The following MRAP2 variants were observed in gnomAD, a reference collection of about 807,000 sequenced individuals.
The protein encoded by MRAP2 is melanocortin 2 receptor accessory protein 2.
Under a neutral mutation model 17.4 loss-of-function variants are expected in MRAP2, and 20 were observed. The ratio of observed to expected loss-of-function variants is 1.15; its 90% CI spans 0.81 to 1.67. MRAP2 has a LOEUF of 1.67. Ranked by LOEUF, MRAP2 falls within the 40% of genes most tolerant of loss-of-function variation. The pLI is 0.00. For missense variants in MRAP2, 238 were observed against 240.0 expected (o/e 0.99, Z 0.05); for synonymous variants, 96 against 88.4 (o/e 1.09, Z -0.48).
At chr6:84,092,418 C>T (rs2099501917), downstream of MRAP2, among the ~76,000 whole-genome samples, 1 of 152,162 alleles carries the variant, frequency 6.6e-6, no homozygotes, top group Non-Finnish European at 1.5e-5. Context: ...ATTATAGAAT[C>T]AATTCAAAGT....
At chr6:84,103,323 A>T in the MRAP2 span, among the ~76,000 whole-genome samples, 1 of 152,092 alleles carries the variant, frequency 6.6e-6, no homozygotes, top group Admixed American at 6.5e-5. Flanking sequence ...TTATTTGTGG[A>T]AGGAGATCAA....
At chr6:84,125,191 C>G in the MRAP2 span, 5 of 1,613,642 alleles carry the variant, frequency 3.1e-6, no homozygotes, top group South Asian at 5.5e-5. Flanking sequence ...CTCCAGCTCA[C>G]GATTCTTTAA....
At chr6:84,114,536 A>C in the MRAP2 span, among the ~76,000 whole-genome samples, 1 of 152,100 alleles carries the variant, frequency 6.6e-6, no homozygotes, top group East Asian at 1.9e-4. Context: ...CCTTTAGCTC[A>C]GAGGAGTTTG....
the MRAP2 span, chr6:84,124,171 A>C: frequency 1.2e-4 from 19 of 152,188 alleles, no homozygotes; most frequent in Non-Finnish European, 2.2e-4. Context: ...AAAGAACTAA[A>C]AATAGAACTA....
the MRAP2 span, among the ~76,000 whole-genome samples, chr6:84,114,000 G>T: frequency 6.6e-6 from 1 of 152,286 alleles, no homozygotes; most frequent in African/African-American, 2.4e-5. Context: ...CTCTCTTGCT[G>T]CCTTTAACAT....
chr6:84,068,165 GTT>G (rs979332417), intron 3 of MRAP2, among the ~76,000 whole-genome samples: 1 of 152,022 alleles, frequency 6.6e-6, no homozygotes, highest in African/African-American at 2.4e-5. Flanking sequence ...CCCACTTTAT[GTT>G]TTTGTTTGCT....
rs144952050 is a variant in MRAP2, at chr6:84,049,405, A to G, written c.-7-5907A>G. ...ACACCACTGCACTTCAGCCTGGGTG[A>G]CAGAGGGAGACTCCATCTCAGAAAA... On this transcript the variant is annotated intron_variant, in intron 1 of 3. Transcript: ENST00000257776. 4.9e-4 allele frequency among the ~76,000 whole-genome samples: 75 copies of G among 152,260 alleles called. No individual in the cohort carries two copies. In the East Asian group the frequency reaches 0.013, roughly 25 times the overall value.
the MRAP2 span, among the ~76,000 whole-genome samples, chr6:84,110,761 T>C: frequency 6.6e-6 from 1 of 152,244 alleles, no homozygotes; most frequent in Non-Finnish European, 1.5e-5. Context: ...GTGATCCATC[T>C]TGAGTTAATT....
At chr6:84,075,276 G>T (rs1187831524) in intron 3 of MRAP2, among the ~76,000 whole-genome samples, 1 of 152,208 alleles carries the variant, frequency 6.6e-6, no homozygotes, top group African/African-American at 2.4e-5. Context: ...GGGCTGGGAA[G>T]GGTAGTCTTC....
At chr6:84,043,632 C>A (rs1210971928) in intron 1 of MRAP2, among the ~76,000 whole-genome samples, 1 of 151,084 alleles carries the variant, frequency 6.6e-6, no homozygotes, top group Non-Finnish European at 1.5e-5. Flanking sequence ...TTGTGTTGTC[C>A]CTCAAGCTGT....
At chr6:84,066,242 A>T (rs2099494654) in intron 3 of MRAP2, among the ~76,000 whole-genome samples, 1 of 152,234 alleles carries the variant, frequency 6.6e-6, no homozygotes, top group African/African-American at 2.4e-5. Context: ...AATGCTTCTA[A>T]CAAGGTTAAG....
At chr6:84,132,365 A>G in the MRAP2 span, among the ~76,000 whole-genome samples, 1 of 152,020 alleles carries the variant, frequency 6.6e-6, no homozygotes, top group African/African-American at 2.4e-5. Flanking sequence ...TGTTCTCTGT[A>G]TTTCCTGAAT....
chr6:84,134,633 G>A, the MRAP2 span, among the ~76,000 whole-genome samples: 1 of 152,104 alleles, frequency 6.6e-6, no homozygotes. Flanking sequence ...CCCGGATGAG[G>A]CAAGGCCCCA....
downstream of MRAP2, among the ~76,000 whole-genome samples, chr6:84,093,321 C>T (rs79479817): frequency 4.3e-3 from 659 of 152,218 alleles, 1 homozygote; most frequent in African/African-American, 0.015. Flanking sequence ...AGGAACTTGA[C>T]TCACCGAGGC....
At chr6:84,118,881 C>T in the MRAP2 span, among the ~76,000 whole-genome samples, 1 of 152,168 alleles carries the variant, frequency 6.6e-6, no homozygotes, top group East Asian at 1.9e-4. Context: ...AGATAAGGAT[C>T]CAATTTCATT....
chr6:84,088,957 A>T (rs2099501146), intron 3 of MRAP2, 134 bp from the exon 4 acceptor site: 2 of 909,988 alleles, frequency 2.2e-6, no homozygotes, highest in South Asian at 1.9e-5. Flanking sequence ...GTTTGTCTGC[A>T]TGCCATGCAA....
At chr6:84,063,403 A>G in intron 3 of MRAP2, 1 of 985,416 alleles carries the variant, frequency 1.0e-6, no homozygotes, top group African/African-American at 1.7e-5. Context: ...TTCAAGAAGC[A>G]GAGTAATAGT....
At chr6:84,078,254 T>A (rs1356549218) in intron 3 of MRAP2, among the ~76,000 whole-genome samples, 1 of 152,174 alleles carries the variant, frequency 6.6e-6, no homozygotes, top group East Asian at 1.9e-4. Context: ...AAAGAACTCA[T>A]ATTCCGCATA....
At chr6:84,068,189 C>T (rs1350104305) in intron 3 of MRAP2, among the ~76,000 whole-genome samples, 1 of 152,068 alleles carries the variant, frequency 6.6e-6, no homozygotes, top group Non-Finnish European at 1.5e-5. Context: ...TTTTGAAGAT[C>T]AGTTGACTGT....
Sources: allele counts gnomAD v4.1 joint callset (sites outside exome capture counted in the v4.1 genomes callset), GRCh38; gene constraint gnomAD v4.1.1; transcripts MANE v1.5; gene names NCBI Gene and HGNC (gene_info 2026-07-23, HGNC 2026-07-21).